Variants in SLC51B observed in about 807,000 individuals in gnomAD.
SLC51B encodes the protein SLC51 subunit beta.
Under a neutral mutation model 8.0 loss-of-function variants are expected in SLC51B, and 6 were observed. The observed-to-expected ratio is 0.75, with a 90% CI of 0.41 to 1.48. The LOEUF is 1.48. Among genes scored for constraint, SLC51B ranks in the 40% most tolerant of loss-of-function variants. The pLI is 0.01. For missense variants in SLC51B, 150 were observed against 149.7 expected, an observed-to-expected ratio of 1.00 and a Z score of -0.01; for synonymous variants, 61 against 54.8, an observed-to-expected ratio of 1.11 and a Z score of -0.50.
intron 3 of SLC51B, 99 bp from the exon 4 acceptor site, chr15:65,052,867 T>C (rs562528506): frequency 1.1e-5 from 12 of 1,082,580 alleles, no homozygotes; most frequent in East Asian, 2.4e-5. Context: ...CCAAACTGCA[T>C]AGAGAATTTT....
rs933849150 is a variant in SLC51B, at chr15:65,053,278, C to T, written c.*114C>T. 7.0e-6 allele frequency: 10 copies of T among 1,429,564 alleles called. No homozygotes were observed. Among genetic ancestry groups the T allele is most frequent in the Non-Finnish European group, 9.1e-6 (10 of 1,094,674 alleles). The allele number at this position is 1,429,564 out of a possible 1,614,324, so 88.6% of individuals were successfully genotyped here. A position where few individuals can be genotyped will look rare whatever the true frequency, so the allele number is the denominator to read the frequency against. ...CCCAAGAAGCCGCTTTTTTCTTTTT[C>T]TTTCTTTCTTTTTTTTTTTCTTAGC... On this transcript the variant is annotated 3_prime_UTR_variant, in exon 4 of 4. Transcript: ENST00000334287.
chr15:65,046,537 C>T (rs891477392), intron 1 of SLC51B, among the ~76,000 whole-genome samples: 2 of 152,146 alleles, frequency 1.3e-5, no homozygotes, highest in Non-Finnish European at 2.9e-5. Flanking sequence ...GGCTGACTCT[C>T]GGTTCTGGAT....
chr15:65,051,626 G>C (rs753954787), intron 3 of SLC51B, 21 bp downstream of exon 3: 12 of 1,610,272 alleles, frequency 7.5e-6, no homozygotes, highest in Non-Finnish European at 1.0e-5. Context: ...GGTCCTGGGG[G>C]GATGGGGTGG....
intron 1 of SLC51B, chr15:65,049,515 C>T (rs952106782): frequency 1.3e-5 from 2 of 152,376 alleles, no homozygotes; most frequent in Middle Eastern, 3.4e-3. Context: ...GAAACACAGG[C>T]CTGTGATTGG....
intron 1 of SLC51B, among the ~76,000 whole-genome samples, chr15:65,048,355 C>T (rs772361818): frequency 2.6e-5 from 4 of 152,076 alleles, no homozygotes; most frequent in Non-Finnish European, 5.9e-5. Flanking sequence ...TTAGTTTTCT[C>T]AGAGCATTTA....
At chr15:65,046,381 A>T (rs1360567037) in intron 1 of SLC51B, among the ~76,000 whole-genome samples, 1 of 149,630 alleles carries the variant, frequency 6.7e-6, no homozygotes. Flanking sequence ...GAGGCAGGAG[A>T]ATCACTTGAA....
At chr15:65,052,513 G>C (rs895456822) in intron 3 of SLC51B, among the ~76,000 whole-genome samples, 1 of 146,824 alleles carries the variant, frequency 6.8e-6, no homozygotes, top group Non-Finnish European at 1.5e-5. Flanking sequence ...TGATTCTCCT[G>C]CTTCAGCCTC....
At chr15:65,049,721 TAAATATTTGAGTCACTCCC>T (rs2086624853) in intron 1 of SLC51B, 157 bp from the exon 2 acceptor site, 1 of 276,510 alleles carries the variant, frequency 3.6e-6, no homozygotes, top group Non-Finnish European at 6.9e-6. Flanking sequence ...TGGCTTTTAA[TAAATATTTGAGTCACTCCC>T]ACTTCCAGTC....
chr15:65,048,709 T>C (rs1428562155), intron 1 of SLC51B, among the ~76,000 whole-genome samples: 3 of 152,128 alleles, frequency 2.0e-5, no homozygotes, highest in African/African-American at 7.2e-5. Context: ...CGTGTCCTTT[T>C]AAAAAAATGT....
chr15:65,049,969 A>G lies in SLC51B; in HGVS notation c.-36A>G, dbSNP rs1432457493. The G allele has an allele frequency of 6.6e-7, 1 of 1,523,724 alleles. No individual in the cohort carries two copies. Among genetic ancestry groups the G allele is most frequent in the Non-Finnish European group, 8.9e-7 (1 of 1,124,956 alleles). The allele number at this position is 1,523,724 out of a possible 1,614,324, so 94.4% of individuals were successfully genotyped here. On this transcript the variant is annotated 5_prime_UTR_variant, in exon 2 of 4. Transcript: ENST00000334287. ...GAGGGCTGCTGGGGCTAAGGGGTCT[A>G]AGGACCTCGTTGCACACGCTACCAG...
In SLC51B at chr15:65,052,947, C is replaced by T. The variant is rs200410652; in HGVS notation, c.189-19C>T. On this transcript the variant is annotated intron_variant, in intron 3 of 3. Coordinates refer to ENST00000334287, the MANE Select transcript of SLC51B (RefSeq NM_178859.4). ...AACCACTCAGCCCCCCTCATTAACA[C>T]TGTTCCCTGTCCCCCCAGAAAAGAA... The T allele has an allele frequency of 5.3e-6, 8 of 1,519,002 alleles. No individual in the cohort carries two copies. In the Admixed American group the frequency reaches 6.9e-5, roughly 13 times the overall value. The allele number at this position is 1,519,002 out of a possible 1,614,324, so 94.1% of individuals were successfully genotyped here. A position where few individuals can be genotyped will look rare whatever the true frequency, so the allele number is the denominator to read the frequency against.
chr15:65,046,461 ACT>A (rs914063441), intron 1 of SLC51B, among the ~76,000 whole-genome samples: 3 of 151,228 alleles, frequency 2.0e-5, no homozygotes, highest in Admixed American at 6.6e-5. Flanking sequence ...AAAGAGTGAA[ACT>A]CTGTCTCAAA....
In SLC51B at chr15:65,049,931, C is replaced by T; in HGVS notation, c.-74C>T. The T allele has an allele frequency of 8.3e-7, 1 of 1,209,928 alleles. No individual in the cohort carries two copies. The highest frequency in any genetic ancestry group is 1.2e-6 in the Non-Finnish European group (1 of 864,000). 74.9% of individuals were successfully genotyped at this position (1,209,928 alleles called of 1,614,324 possible). On this transcript the variant is annotated 5_prime_UTR_variant, in exon 2 of 4. Transcript: ENST00000334287. Reference sequence around the variant, plus strand: ...CGGCTTCTCTGCCCAGGGGCCAGAACCGAGGAGGCCAGGAGGGCTGCTGGG... The same window carrying T: ...CGGCTTCTCTGCCCAGGGGCCAGAATCGAGGAGGCCAGGAGGGCTGCTGGG...
intron 1 of SLC51B, among the ~76,000 whole-genome samples, chr15:65,048,518 A>G (rs2086605685): frequency 6.6e-6 from 1 of 152,226 alleles, no homozygotes; most frequent in Non-Finnish European, 1.5e-5. Context: ...AGGCAGTGAC[A>G]GAGTGTGAGG....
intron 1 of SLC51B, among the ~76,000 whole-genome samples, chr15:65,047,297 T>C (rs942634283): frequency 1.3e-5 from 2 of 151,464 alleles, no homozygotes; most frequent in Non-Finnish European, 2.9e-5. Context: ...GATCACACCA[T>C]TGCACTCCAG....
chr15:65,052,904 G>A lies in SLC51B; in HGVS notation c.189-62G>A, dbSNP rs1191696071. The A allele has an allele frequency of 2.6e-6, 4 of 1,532,084 alleles. No homozygotes were observed. In the East Asian group the frequency reaches 9.0e-5, roughly 35 times the overall value. The allele number at this position is 1,532,084 out of a possible 1,614,324, so 94.9% of individuals were successfully genotyped here. ...CCCTTAGACTCTTTAAGCCATTTGG[G>A]CGACCCAGTCCTGCCCCAACCACTC... On this transcript the variant is annotated intron_variant, in intron 3 of 3. Transcript: ENST00000334287.
intron 2 of SLC51B, 120 bp downstream of exon 2, chr15:65,050,221 C>T: frequency 1.3e-6 from 1 of 774,384 alleles, no homozygotes; most frequent in Non-Finnish European, 2.1e-6. Flanking sequence ...TCCTCCAAGA[C>T]AGGGAATCAG....
intron 3 of SLC51B, 79 bp from the exon 4 acceptor site, chr15:65,052,887 C>A: frequency 2.9e-6 from 4 of 1,367,534 alleles, no homozygotes; most frequent in Non-Finnish European, 3.1e-6. Context: ...TCCCCTTAGA[C>A]TCTTTAAGCC....
At chr15:65,049,625 C>T (rs2140505792) in intron 1 of SLC51B, 1 of 157,188 alleles carries the variant, frequency 6.4e-6, no homozygotes, top group East Asian at 1.8e-4. Context: ...CAGGCGAAGA[C>T]CCGAGATGTC....
Sources: gnomAD v4.1 joint callset for allele counts (sites outside exome capture counted in the v4.1 genomes callset) on GRCh38, gnomAD v4.1.1 for gene constraint, MANE v1.5 for transcripts, NCBI Gene and HGNC (gene_info 2026-07-23, HGNC 2026-07-21) for gene names.